The following LRTM1 variants were observed in gnomAD, a reference collection of about 807,000 sequenced individuals.
The protein encoded by LRTM1 is leucine rich repeat transmembrane protein 1.
In LRTM1, 38 loss-of-function variants were observed where a neutral mutation model predicts 32.4. The ratio of observed to expected loss-of-function variants is 1.17; its 90% confidence interval spans 0.91 to 1.54. LRTM1 has a LOEUF of 1.54. Ranked by LOEUF, LRTM1 falls within the 40% of genes most tolerant of loss-of-function variation. The probability of loss-of-function intolerance (pLI) is 0.00; values close to 1 mark genes in which losing one functional copy is unlikely to be tolerated. For missense variants in LRTM1, 466 were observed against 415.4 expected (o/e 1.12, Z -1.06); for synonymous variants, 186 against 169.9 (o/e 1.09, Z -0.74).
chr3:54,951,381 C>T (rs1454827866), intron 1 of LRTM1, among the ~76,000 whole-genome samples: 1 of 152,190 alleles, frequency 6.6e-6, no homozygotes, highest in East Asian at 1.9e-4. Context: ...ATGTGCAAGA[C>T]ATACTTTGTA....
At chr3:54,920,441 T>C (rs1700810526) in intron 2 of LRTM1, among the ~76,000 whole-genome samples, 1 of 152,138 alleles carries the variant, frequency 6.6e-6, no homozygotes, top group South Asian at 2.1e-4. Context: ...CCTCCTGGCT[T>C]CTCTAGCAAT....
chr3:54,938,905 G>A (rs979323411), intron 1 of LRTM1, among the ~76,000 whole-genome samples: 6 of 152,038 alleles, frequency 3.9e-5, no homozygotes, highest in Admixed American at 1.3e-4. Context: ...ATGCTGTCCC[G>A]CTGAAGCTGT....
intron 1 of LRTM1, among the ~76,000 whole-genome samples, chr3:54,945,572 C>T (rs1701591341): frequency 6.6e-6 from 1 of 152,110 alleles, no homozygotes; most frequent in Admixed American, 6.5e-5. Flanking sequence ...TTATTAGCAC[C>T]ATAACCTGGG....
At chr3:54,955,616 T>G (rs941139577) in intron 1 of LRTM1, among the ~76,000 whole-genome samples, 1 of 152,102 alleles carries the variant, frequency 6.6e-6, no homozygotes, top group African/African-American at 2.4e-5. Context: ...CTCCAGTCTT[T>G]GGGATATCAT....
chr3:54,923,301 G>C (rs1225823659), intron 2 of LRTM1, among the ~76,000 whole-genome samples: 1 of 152,068 alleles, frequency 6.6e-6, no homozygotes, highest in Non-Finnish European at 1.5e-5. Context: ...ACTGGCCACT[G>C]TCTTGTCCCT....
intron 1 of LRTM1, among the ~76,000 whole-genome samples, chr3:54,942,817 G>A (rs775572374): frequency 6.6e-6 from 1 of 152,122 alleles, no homozygotes; most frequent in Non-Finnish European, 1.5e-5. Context: ...AAGGTCAGGA[G>A]ATTGAGACAA....
upstream of LRTM1, among the ~76,000 whole-genome samples, chr3:54,932,510 C>G (rs1701214418): frequency 6.6e-6 from 1 of 152,166 alleles, no homozygotes; most frequent in East Asian, 1.9e-4. Flanking sequence ...AATTAAGAAG[C>G]AAGTAAAGGC....
chr3:54,924,258 T>C (rs941105490), intron 2 of LRTM1, among the ~76,000 whole-genome samples: 1 of 152,178 alleles, frequency 6.6e-6, no homozygotes, highest in Non-Finnish European at 1.5e-5. Context: ...ATACCCACAA[T>C]TGGATCAGAC....
chr3:54,928,505 A>AC (rs1701093646), upstream of LRTM1, among the ~76,000 whole-genome samples: 1 of 152,140 alleles, frequency 6.6e-6, no homozygotes, highest in Non-Finnish European at 1.5e-5. Context: ...CTGGAGGCTG[A>AC]CACGGTTTGC....
intron 1 of LRTM1, among the ~76,000 whole-genome samples, chr3:54,959,404 C>T: frequency 6.6e-6 from 1 of 152,196 alleles, no homozygotes; most frequent in East Asian, 1.9e-4. Context: ...AGAAGGTTTG[C>T]AGGCATCCCT....
At chr3:54,932,594 A>T (rs1701216425), upstream of LRTM1, among the ~76,000 whole-genome samples, 1 of 152,214 alleles carries the variant, frequency 6.6e-6, no homozygotes, top group Admixed American at 6.5e-5. Context: ...TAAATATAGC[A>T]TGCCTAGAGT....
rs1259057686 is a variant in LRTM1 at position 54,933,613 on chromosome 3, A to T, written c.-221-8398T>A. Reference sequence around the variant, plus strand: ...GGAGATCATAGCAGTTTCTGCCTCCACATTTTATTGCATTATCTCACTTTA... The same window carrying T: ...GGAGATCATAGCAGTTTCTGCCTCCTCATTTTATTGCATTATCTCACTTTA... On this transcript the variant is annotated intron_variant, in intron 1 of 2. Coordinates refer to the LRTM1 transcript ENST00000493075. 1.1e-4 allele frequency among the ~76,000 whole-genome samples: 17 copies of T among 152,340 alleles called. No individual in the cohort carries two copies. In the South Asian group the frequency reaches 3.5e-3, roughly 32 times the overall value.
upstream of LRTM1, among the ~76,000 whole-genome samples, chr3:54,928,736 A>G (rs1415291979): frequency 7.2e-6 from 1 of 139,800 alleles, no homozygotes; most frequent in Non-Finnish European, 1.5e-5. Flanking sequence ...AGTTGAATTG[A>G]CCTTTTGGTT....
At chr3:54,932,719 G>A (rs1701221060), upstream of LRTM1, among the ~76,000 whole-genome samples, 1 of 152,172 alleles carries the variant, frequency 6.6e-6, no homozygotes, top group Admixed American at 6.5e-5. Context: ...TCTCCCAATT[G>A]TAAGGTCTGC....
chr3:54,964,868 C>T (rs1702110931), intron 1 of LRTM1, among the ~76,000 whole-genome samples: 1 of 151,568 alleles, frequency 6.6e-6, no homozygotes, highest in Admixed American at 6.6e-5. Context: ...TTTTCACGCT[C>T]AAGAAATAAT....
intron 2 of LRTM1, among the ~76,000 whole-genome samples, chr3:54,920,238 A>G (rs778102123): frequency 2.0e-5 from 3 of 152,190 alleles, no homozygotes; most frequent in Non-Finnish European, 2.9e-5. Flanking sequence ...ATGCTTTCAC[A>G]TTTACTCTCT....
At chr3:54,949,264 C>A (rs987831030) in intron 1 of LRTM1, among the ~76,000 whole-genome samples, 33 of 152,178 alleles carry the variant, frequency 2.2e-4, no homozygotes, top group African/African-American at 7.7e-4. Flanking sequence ...GAAGCCTACA[C>A]ATGCCACATG....
chr3:54,949,652 G>A (rs929481207), intron 1 of LRTM1, among the ~76,000 whole-genome samples: 5 of 152,192 alleles, frequency 3.3e-5, no homozygotes, highest in African/African-American at 1.2e-4. Flanking sequence ...AGGCCTAATT[G>A]TGTTGCAAAC....
chr3:54,931,817 A>G (rs548000161), upstream of LRTM1, among the ~76,000 whole-genome samples: 28 of 152,320 alleles, frequency 1.8e-4, no homozygotes, highest in African/African-American at 6.7e-4. Flanking sequence ...TTAACCCTAC[A>G]ATAAAATTGA....
Sources: allele counts gnomAD v4.1 joint callset (sites outside exome capture counted in the v4.1 genomes callset), GRCh38; gene constraint gnomAD v4.1.1; transcripts MANE v1.5; gene names NCBI Gene and HGNC (gene_info 2026-07-23, HGNC 2026-07-21).